The following PPP2R2B variants were observed in gnomAD, a reference collection of about 807,000 sequenced individuals.
The protein encoded by PPP2R2B is serine/threonine-protein phosphatase 2A 55 kDa regulatory subunit B beta isoform.
In PPP2R2B, 5 loss-of-function variants were observed where a neutral mutation model predicts 46.0. The ratio of observed to expected loss-of-function variants is 0.11; its 90% CI spans 0.06 to 0.23. The LOEUF (loss-of-function observed/expected upper bound fraction) is 0.23. Among genes scored for constraint, PPP2R2B ranks in the 10% least tolerant of loss-of-function variants. The probability of loss-of-function intolerance (pLI) is 1.00; values close to 1 mark genes in which losing one functional copy is unlikely to be tolerated. For missense variants in PPP2R2B, 367 were observed against 575.0 expected, an observed-to-expected ratio of 0.64 and a Z score of 3.70; for synonymous variants, 215 against 206.7, an observed-to-expected ratio of 1.04 and a Z score of -0.34.
chr5:146,955,537 A>T (rs1258057601), intron 1 of PPP2R2B, among the ~76,000 whole-genome samples: 1 of 152,190 alleles, frequency 6.6e-6, no homozygotes, highest in Admixed American at 6.5e-5. Context: ...ATATGCTAGT[A>T]GTACTAGACC....
At chr5:147,071,767 C>T (rs1222812089) in intron 2 of PPP2R2B, among the ~76,000 whole-genome samples, 4 of 152,212 alleles carry the variant, frequency 2.6e-5, no homozygotes, top group East Asian at 1.9e-4. Context: ...TTGATAGCCT[C>T]ATATTTTATA....
chr5:146,696,076 C>T (rs11952955), intron 4 of PPP2R2B, among the ~76,000 whole-genome samples: 1,768 of 151,990 alleles, frequency 0.012, 36 homozygotes, highest in African/African-American at 0.041. Flanking sequence ...TTCCCATCCC[C>T]CCGCCAACAA....
At chr5:146,619,568 T>C (rs1162164683) in intron 7 of PPP2R2B, among the ~76,000 whole-genome samples, 1 of 152,190 alleles carries the variant, frequency 6.6e-6, no homozygotes, top group Non-Finnish European at 1.5e-5. Context: ...CCAGACTAAT[T>C]TGTAAGGCCT....
At chr5:146,680,469 G>T (rs1353930534) in intron 5 of PPP2R2B, among the ~76,000 whole-genome samples, 1 of 151,164 alleles carries the variant, frequency 6.6e-6, no homozygotes, top group African/African-American at 2.4e-5. Flanking sequence ...TGGGTGCAGC[G>T]CACCAGCATG....
At position 146,799,642 on chromosome 5, in the gene PPP2R2B, T is replaced by A. The variant is rs560591784; in HGVS notation, c.70+78360A>T. ...ATTCAGCAAGACTGGGAATGAAGCA[T>A]GAATCACAGATAGAGGAGATCACCA... On this transcript the variant is annotated intron_variant, in intron 2 of 9. Transcript: ENST00000394411. Among the ~76,000 whole-genome samples, 13 of 152,308 alleles carry A rather than the reference T, an allele frequency of 8.5e-5. No individual in the cohort carries two copies. In the South Asian group the frequency reaches 2.7e-3, roughly 32 times the overall value.
Position 146,590,760 on chromosome 5 carries a change from G to A in PPP2R2B, c.1053-534C>T, listed in dbSNP as rs1013251731. Among the ~76,000 whole-genome samples, 5 of 152,238 alleles carry A rather than the reference G, an allele frequency of 3.3e-5. No individual in the cohort carries two copies. The South Asian group carries it at 6.2e-4, about 19-fold the overall frequency. ...GTGGCATCGTGCACGAACCCGGGGC[G>A]CGACCTCTCCCCTGCCGAGAACTAG... On this transcript the variant is annotated intron_variant, in intron 9 of 9. Transcript: ENST00000394411.
At chr5:146,668,650 C>G (rs1437896705) in intron 5 of PPP2R2B, among the ~76,000 whole-genome samples, 1 of 152,200 alleles carries the variant, frequency 6.6e-6, no homozygotes, top group Non-Finnish European at 1.5e-5. Flanking sequence ...ACCCTGAGAT[C>G]TTTTTTCTGC....
intron 1 of PPP2R2B, chr5:147,040,691 C>T: frequency 2.3e-6 from 1 of 433,168 alleles, no homozygotes. Flanking sequence ...TTGTTAGGTA[C>T]TCCGTGTGAG....
At chr5:146,643,927 G>A (rs178729) in intron 6 of PPP2R2B, among the ~76,000 whole-genome samples, 116,126 of 152,064 alleles carry the variant, frequency 0.76, 45,425 homozygotes, top group South Asian at 0.83. Flanking sequence ...CTTTGCCACC[G>A]CTATTCAACT....
chr5:146,870,591 A>G (rs747898350), intron 2 of PPP2R2B, among the ~76,000 whole-genome samples: 6 of 152,204 alleles, frequency 3.9e-5, no homozygotes, highest in Admixed American at 6.5e-5. Flanking sequence ...TGGCGTTTTT[A>G]AAAATGCAGT....
intron 1 of PPP2R2B, among the ~76,000 whole-genome samples, chr5:146,998,723 C>G (rs1754029327): frequency 6.6e-6 from 1 of 152,140 alleles, no homozygotes; most frequent in African/African-American, 2.4e-5. Flanking sequence ...CTAAACTCTT[C>G]TTTCAAAAGA....
At chr5:146,728,019 GA>G (rs1168470132) in intron 2 of PPP2R2B, among the ~76,000 whole-genome samples, 1 of 151,350 alleles carries the variant, frequency 6.6e-6, no homozygotes, top group Admixed American at 6.6e-5. Flanking sequence ...GCTCTTTTGA[GA>G]TAATTCTATT....
At chr5:146,945,491 G>A (rs1764450810) in intron 1 of PPP2R2B, among the ~76,000 whole-genome samples, 1 of 152,140 alleles carries the variant, frequency 6.6e-6, no homozygotes, top group South Asian at 2.1e-4. Context: ...AGTTGTTTGG[G>A]CACTGTCCAA....
intron 5 of PPP2R2B, among the ~76,000 whole-genome samples, chr5:146,658,547 C>T (rs960993566): frequency 6.6e-6 from 1 of 152,176 alleles, no homozygotes; most frequent in African/African-American, 2.4e-5. Context: ...TACCATTCCC[C>T]TAGGAACAGC....
At chr5:146,712,505 C>T (rs773866670) in intron 2 of PPP2R2B, among the ~76,000 whole-genome samples, 52 of 152,174 alleles carry the variant, frequency 3.4e-4, no homozygotes, top group Middle Eastern at 3.4e-3. Context: ...CACTGAAAAT[C>T]GGATATTTAG....
At chr5:146,819,911 C>T (rs952889140) in intron 2 of PPP2R2B, among the ~76,000 whole-genome samples, 1 of 152,166 alleles carries the variant, frequency 6.6e-6, no homozygotes, top group East Asian at 1.9e-4. Context: ...GAAATTGTGT[C>T]ATTTGCAGCA....
chr5:146,623,631 C>G, intron 7 of PPP2R2B, among the ~76,000 whole-genome samples: 1 of 152,204 alleles, frequency 6.6e-6, no homozygotes, highest in Non-Finnish European at 1.5e-5. Flanking sequence ...TCAGAATATG[C>G]TATTTGACCC....
intron 1 of PPP2R2B, among the ~76,000 whole-genome samples, chr5:147,011,842 G>T (rs1358921900): frequency 3.9e-5 from 5 of 127,648 alleles, no homozygotes; most frequent in African/African-American, 1.5e-4. Flanking sequence ...TAATCATGTG[G>T]TTTTTGTCTT....
intron 3 of PPP2R2B, 85 bp from the exon 4 acceptor site, chr5:146,698,229 T>A: frequency 8.2e-7 from 1 of 1,218,652 alleles, no homozygotes; most frequent in South Asian, 1.6e-5. Context: ...TTTCCAGCAG[T>A]CATTGGGGGT....
Sources: allele counts gnomAD v4.1 joint callset (sites outside exome capture counted in the v4.1 genomes callset), GRCh38; gene constraint gnomAD v4.1.1; transcripts MANE v1.5; gene names NCBI Gene and HGNC (gene_info 2026-07-23, HGNC 2026-07-21).